Variants in SPECC1 observed in about 807,000 individuals in gnomAD.
SPECC1 encodes the protein cytospin-B.
Under a neutral mutation model 104.1 loss-of-function variants are expected in SPECC1, and 62 were observed. The ratio of observed to expected loss-of-function variants is 0.60; its 90% CI spans 0.49 to 0.74. The LOEUF (loss-of-function observed/expected upper bound fraction) is 0.74, where lower values mean the gene tolerates loss of function less well. SPECC1 is among the 30% of genes least tolerant of loss of function. The pLI is 0.00. For missense variants in SPECC1, 1,306 were observed against 1,310.5 expected, an observed-to-expected ratio of 1.00 and a Z score of 0.05; for synonymous variants, 513 against 501.6, an observed-to-expected ratio of 1.02 and a Z score of -0.30.
At chr17:20,056,364 C>T in intron 1 of SPECC1, 1 of 192,392 alleles carries the variant, frequency 5.2e-6, no homozygotes. Context: ...CCAGCAAACC[C>T]CTCATCCTAG....
chr17:20,230,998 C>T (rs536147741), intron 5 of SPECC1, among the ~76,000 whole-genome samples: 1 of 152,280 alleles, frequency 6.6e-6, no homozygotes, highest in East Asian at 1.9e-4. Context: ...AAAGCTAATG[C>T]TCTAGGTTAG....
intron 1 of SPECC1, chr17:20,017,585 C>T (rs1051533873): frequency 6.6e-6 from 1 of 152,464 alleles, no homozygotes; most frequent in Non-Finnish European, 1.5e-5. Context: ...TTCCTGTCCT[C>T]TTACTTCTCT....
rs575396974 is a variant in SPECC1, at chr17:20,261,370, C to T, written c.2940+1076C>T. 2.8e-4 allele frequency among the ~76,000 whole-genome samples: 42 copies of T among 151,934 alleles called. 1 individual carries two copies. In the South Asian group the frequency reaches 5.8e-3, roughly 21 times the overall value. ...ACAAAAAATTAGCCGGGCGTGGTGG[C>T]GGGCGCCTGTAGTCACAGCTACTCG... On this transcript the variant is annotated intron_variant, in intron 12 of 14. Transcript: ENST00000395527.
intron 3 of SPECC1, among the ~76,000 whole-genome samples, chr17:20,201,043 G>A (rs9910699): frequency 0.03 from 4,525 of 152,238 alleles, 221 homozygotes; most frequent in African/African-American, 0.1. Context: ...CACTTATGGG[G>A]AGAACAGACT....
chr17:20,278,003 A>G (rs914865362), intron 12 of SPECC1, among the ~76,000 whole-genome samples: 27 of 152,228 alleles, frequency 1.8e-4, no homozygotes, highest in Admixed American at 1.8e-3. Context: ...TTCCAGAACC[A>G]AAGCTGGGAG....
At chr17:20,232,076 G>A in intron 6 of SPECC1, 124 bp from the exon 7 acceptor site, 1 of 1,149,266 alleles carries the variant, frequency 8.7e-7, no homozygotes, top group Non-Finnish European at 1.3e-6. Flanking sequence ...CACCGTGTAA[G>A]CAGGGCCTCA....
At chr17:20,276,202 C>T (rs1200696391) in intron 12 of SPECC1, among the ~76,000 whole-genome samples, 1 of 152,038 alleles carries the variant, frequency 6.6e-6, no homozygotes, top group Non-Finnish European at 1.5e-5. Context: ...CTGCAGCCTC[C>T]ACCTCCTGGG....
At chr17:20,201,305 A>G (rs971538272) in intron 3 of SPECC1, among the ~76,000 whole-genome samples, 1 of 151,892 alleles carries the variant, frequency 6.6e-6, no homozygotes, top group Non-Finnish European at 1.5e-5. Flanking sequence ...ACTAAAAAAA[A>G]AAAAACAAAA....
intron 2 of SPECC1, among the ~76,000 whole-genome samples, chr17:20,106,579 T>C (rs2048208467): frequency 6.6e-6 from 1 of 152,216 alleles, no homozygotes; most frequent in Non-Finnish European, 1.5e-5. Context: ...AATCCTGCTG[T>C]TCTCATGATA....
At chr17:20,303,269 G>T (rs1364104023) in intron 13 of SPECC1, among the ~76,000 whole-genome samples, 2 of 152,206 alleles carry the variant, frequency 1.3e-5, no homozygotes, top group African/African-American at 4.8e-5. Flanking sequence ...ATTAATTTGG[G>T]CTAAATGGAA....
intron 4 of SPECC1, among the ~76,000 whole-genome samples, chr17:20,211,498 C>T (rs1044814376): frequency 6.6e-6 from 1 of 152,264 alleles, no homozygotes; most frequent in African/African-American, 2.4e-5. Flanking sequence ...CCACAGGCCT[C>T]AGCCTGGCTG....
chr17:20,110,147 AG>A (rs2048412987), intron 2 of SPECC1, among the ~76,000 whole-genome samples: 2 of 152,252 alleles, frequency 1.3e-5, no homozygotes, highest in Non-Finnish European at 2.9e-5. Context: ...ACATTTTTTA[AG>A]GCTCATTACT....
At chr17:20,180,910 T>C (rs2034837723) in intron 3 of SPECC1, among the ~76,000 whole-genome samples, 1 of 152,206 alleles carries the variant, frequency 6.6e-6, no homozygotes. Flanking sequence ...GTTGATCATG[T>C]CATTTATCAC....
chr17:20,110,683 G>C, intron 3 of SPECC1, 121 bp downstream of exon 3: 1 of 1,224,322 alleles, frequency 8.2e-7, no homozygotes, highest in African/African-American at 1.5e-5. Context: ...CACTTACCCT[G>C]GGCCGGAACT....
intron 3 of SPECC1, among the ~76,000 whole-genome samples, chr17:20,127,437 CTTTTTTTTT>C (rs369424296): frequency 9.6e-6 from 1 of 104,488 alleles, no homozygotes; most frequent in African/African-American, 3.5e-5. Flanking sequence ...ATCAGGTCAT[CTTTTTTTTT>C]TTTTTTTTTT....
chr17:20,186,461 T>C (rs570588407), intron 3 of SPECC1, among the ~76,000 whole-genome samples: 33 of 152,348 alleles, frequency 2.2e-4, no homozygotes, highest in African/African-American at 7.2e-4. Flanking sequence ...GTAAGAAATG[T>C]ATTATCTGCA....
chr17:20,030,172 A>G (rs886411580), intron 1 of SPECC1, among the ~76,000 whole-genome samples: 1 of 152,202 alleles, frequency 6.6e-6, no homozygotes, highest in Admixed American at 6.5e-5. Context: ...ACTAATACAA[A>G]CATTTTAATT....
chr17:20,229,298 G>A (rs1400040903), intron 5 of SPECC1, among the ~76,000 whole-genome samples: 3 of 152,262 alleles, frequency 2.0e-5, no homozygotes, highest in African/African-American at 4.8e-5. Context: ...GAGAAAACAC[G>A]TGTATTAGGG....
chr17:20,056,645 C>T (rs1307361831), intron 1 of SPECC1: 1 of 160,248 alleles, frequency 6.2e-6, no homozygotes, highest in Non-Finnish European at 1.4e-5. Context: ...AATGGAAAAG[C>T]ATTTTCAATG....
Sources: gnomAD v4.1 joint callset for allele counts (sites outside exome capture counted in the v4.1 genomes callset) on GRCh38, gnomAD v4.1.1 for gene constraint, MANE v1.5 for transcripts, NCBI Gene and HGNC (gene_info 2026-07-23, HGNC 2026-07-21) for gene names.